Variants in FMN1 observed in about 807,000 individuals in gnomAD.
FMN1 encodes formin-1.
FMN1 carries 110 observed loss-of-function variants against 132.4 expected under a neutral mutation model. The ratio of observed to expected loss-of-function variants is 0.83; its 90% CI spans 0.71 to 0.97. The LOEUF is 0.97. FMN1 is among the 50% of genes least tolerant of loss of function. The pLI is 0.00. For synonymous variants in FMN1, 722 were observed against 651.7 expected (o/e 1.11, Z -1.64); for missense variants, 1,792 against 1,705.3 (o/e 1.05, Z -0.90).
At chr15:33,049,726 A>G (rs1555389164) in intron 6 of FMN1, among the ~76,000 whole-genome samples, 2 of 152,234 alleles carry the variant, frequency 1.3e-5, no homozygotes, top group Non-Finnish European at 2.9e-5. Context: ...GTTTTAGCCA[A>G]TAAAATGTAG....
At chr15:33,090,970 ATAC>A (rs1275597100) in intron 4 of FMN1, among the ~76,000 whole-genome samples, 2 of 152,192 alleles carry the variant, frequency 1.3e-5, no homozygotes, top group Non-Finnish European at 2.9e-5. Context: ...AATTTACAGT[ATAC>A]TCTCACTGTA....
intron 9 of FMN1, among the ~76,000 whole-genome samples, chr15:32,927,198 C>T (rs185219426): frequency 7.9e-5 from 12 of 152,220 alleles, no homozygotes; most frequent in African/African-American, 2.9e-4. Flanking sequence ...AGGTTACTTC[C>T]TATTTGTTAT....
intron 9 of FMN1, among the ~76,000 whole-genome samples, chr15:32,944,167 G>A (rs576884907): frequency 3.5e-4 from 53 of 152,298 alleles, no homozygotes; most frequent in Admixed American, 3.2e-3. Context: ...GAGAATAACC[G>A]CTTCTTTGGA....
intron 10 of FMN1, among the ~76,000 whole-genome samples, chr15:32,925,786 C>T (rs962584380): frequency 4.6e-5 from 7 of 152,126 alleles, no homozygotes; most frequent in African/African-American, 9.7e-5. Flanking sequence ...CTGGGCCGGG[C>T]GCAGTGGCTC....
chr15:32,970,751 G>C (rs546051068), intron 7 of FMN1: 1 of 150,610 alleles, frequency 6.6e-6, no homozygotes, highest in South Asian at 2.1e-4. Flanking sequence ...GCATAGTTCA[G>C]CAGATTGAAT....
chr15:33,027,990 G>A (rs1469658572), intron 6 of FMN1, among the ~76,000 whole-genome samples: 1 of 152,206 alleles, frequency 6.6e-6, no homozygotes, highest in East Asian at 1.9e-4. Flanking sequence ...AACTGGAGAA[G>A]CAACCAGCTC....
In FMN1 at chr15:32,857,080, C is replaced by T. The variant is rs944166580; in HGVS notation, c.3863G>A (p.Cys1288Tyr). The change falls in exon 17 of 21, where the codon TGC becomes TAC. Residue 1288 changes from cysteine to tyrosine, a missense_variant. Cys to Tyr is a radical substitution (Grantham distance 194). Transcript: ENST00000616417. Reference protein sequence around the residue: ...EASEKQMVVVCKESPKEYLQP... With the variant: ...EASEKQMVVVYKESPKEYLQP... ...GAGATACTCCTTTGGGGACTCCTTG[C>T]ACACCACCACCATCTGTTTCTCACT... The T allele has an allele frequency of 5.0e-6, 8 of 1,613,780 alleles. No homozygotes were observed. The highest frequency in any genetic ancestry group is 6.8e-6 in the Non-Finnish European group (8 of 1,179,676).
chr15:32,973,175 C>A (rs1194314528), intron 7 of FMN1, among the ~76,000 whole-genome samples: 1 of 152,174 alleles, frequency 6.6e-6, no homozygotes, highest in African/African-American at 2.4e-5. Flanking sequence ...CAATAATTAG[C>A]TTTACTTGCA....
intron 5 of FMN1, among the ~76,000 whole-genome samples, chr15:33,069,001 G>A (rs1340313097): frequency 2.0e-5 from 3 of 152,160 alleles, no homozygotes; most frequent in Non-Finnish European, 4.4e-5. Context: ...AATGAAACCT[G>A]GCATGACACA....
intron 17 of FMN1, among the ~76,000 whole-genome samples, chr15:32,829,334 T>C (rs2058446847): frequency 6.6e-6 from 1 of 152,244 alleles, no homozygotes; most frequent in African/African-American, 2.4e-5. Flanking sequence ...CTTACAGCTC[T>C]TTAAATGCAT....
chr15:33,180,744 C>CTT (rs35033683), intron 2 of FMN1, among the ~76,000 whole-genome samples: 43,744 of 108,060 alleles, frequency 0.4, 9,820 homozygotes, highest in South Asian at 0.51. Context: ...CTCCTGCTGC[C>CTT]TTTTTTTTTT....
chr15:32,797,055 A>G (rs1352274058), intron 19 of FMN1, among the ~76,000 whole-genome samples: 2 of 152,188 alleles, frequency 1.3e-5, no homozygotes, highest in Non-Finnish European at 2.9e-5. Flanking sequence ...GCACCCAGGA[A>G]GCAATGCCAC....
intron 17 of FMN1, among the ~76,000 whole-genome samples, chr15:32,846,318 T>C (rs893785907): frequency 2.6e-5 from 4 of 152,168 alleles, no homozygotes; most frequent in Admixed American, 6.5e-5. Flanking sequence ...GAGAAAATTT[T>C]TGCAATCTAC....
chr15:32,879,427 G>A (rs995365057), intron 16 of FMN1, among the ~76,000 whole-genome samples: 1 of 152,198 alleles, frequency 6.6e-6, no homozygotes, highest in African/African-American at 2.4e-5. Context: ...AATCATTCAA[G>A]TCATGTCTTC....
intron 3 of FMN1, among the ~76,000 whole-genome samples, chr15:33,167,645 A>G (rs1418287983): frequency 6.6e-6 from 1 of 152,242 alleles, no homozygotes; most frequent in African/African-American, 2.4e-5. Flanking sequence ...TTTACTGTTA[A>G]TAGCCTACTG....
rs200504860 is a variant in FMN1, at chr15:33,095,199, GTAAC to G, written c.1868-6229_1868-6226del. On this transcript the variant is annotated intron_variant, in intron 4 of 20. Coordinates refer to ENST00000616417, the MANE Select transcript of FMN1 (RefSeq NM_001277313.2). ...CCCATCTCTACTGAAAATACAAAAA[GTAAC>G]TGGGTGTGGTGGGTGGTGCCTGTAA... Among the ~76,000 whole-genome samples the G allele has an allele frequency of 1.4e-3, 215 of 152,062 alleles. 4 individuals are homozygous for G. In the East Asian group the frequency reaches 0.033, roughly 23 times the overall value.
intron 3 of FMN1, among the ~76,000 whole-genome samples, chr15:33,170,992 C>T (rs1006632998): frequency 1.3e-5 from 2 of 152,040 alleles, no homozygotes; most frequent in Non-Finnish European, 2.9e-5. Context: ...TGTGTATAAA[C>T]GGATGAGTGG....
At chr15:32,824,245 T>C (rs535372124) in intron 17 of FMN1, among the ~76,000 whole-genome samples, 12 of 152,328 alleles carry the variant, frequency 7.9e-5, no homozygotes, top group African/African-American at 2.9e-4. Flanking sequence ...CTTCATACCA[T>C]GAAAGCCAAG....
chr15:33,071,318 A>C (rs73378530), intron 5 of FMN1, among the ~76,000 whole-genome samples: 3,285 of 152,330 alleles, frequency 0.022, 116 homozygotes, highest in African/African-American at 0.076. Flanking sequence ...TATCTATCTA[A>C]CACAGAAGAG....
Sources: gnomAD v4.1 joint callset for allele counts (sites outside exome capture counted in the v4.1 genomes callset) on GRCh38, gnomAD v4.1.1 for gene constraint, MANE v1.5 for transcripts, NCBI Gene and HGNC (gene_info 2026-07-23, HGNC 2026-07-21) for gene names.